The following ATP1A2 variants were observed in gnomAD, a reference collection of about 807,000 sequenced individuals.
The protein encoded by ATP1A2 is ATPase Na+/K+ transporting subunit alpha 2.
A neutral mutation model predicts 113.1 loss-of-function variants in ATP1A2; 56 were observed. That is an observed-to-expected ratio of 0.49 (90% CI 0.40 to 0.62). ATP1A2 has a LOEUF of 0.62. Among genes scored for constraint, ATP1A2 ranks in the 20% least tolerant of loss-of-function variants. The pLI, the probability that ATP1A2 is intolerant of heterozygous loss-of-function variation, is 0.00. For missense variants in ATP1A2, 712 were observed against 1,357.8 expected (o/e 0.52, Z 7.47); for synonymous variants, 490 against 526.8 (o/e 0.93, Z 0.96).
chr1:160,120,770 TC>T lies in ATP1A2; in HGVS notation c.13-130del, dbSNP rs1015901368. ...AGGGCCTAGGGTCCCTCACCCTCCA[TC>T]CCCCCTATCTCCCCCAAGGCAGCCG... On this transcript the variant is annotated intron_variant, in intron 1 of 22. Coordinates refer to ENST00000361216, the MANE Select transcript of ATP1A2 (RefSeq NM_000702.4). The T allele has an allele frequency of 2.3e-5, 19 of 842,794 alleles. No individual in the cohort carries two copies. In the African/African-American group the frequency reaches 2.7e-4, roughly 12 times the overall value. The allele number at this position is 842,794 out of a possible 1,614,324, so 52.2% of individuals were successfully genotyped here.
At chr1:160,136,067 T>C (rs546457823) in intron 17 of ATP1A2, 74 bp downstream of exon 17, 3 of 1,611,740 alleles carry the variant, frequency 1.9e-6, no homozygotes, top group Middle Eastern at 1.6e-4. Context: ...AGAGGTGCAC[T>C]GGGGCAGTGG....
chr1:160,126,818 C>T (rs745771550), intron 7 of ATP1A2, among the ~76,000 whole-genome samples: 1 of 151,950 alleles, frequency 6.6e-6, no homozygotes, highest in Non-Finnish European at 1.5e-5. Context: ...TTTACATTTC[C>T]CACAATTGAT....
chr1:160,138,813 G>A lies in ATP1A2; in HGVS notation c.2841-827G>A, dbSNP rs1366518270. On this transcript the variant is annotated intron_variant, in intron 20 of 22. Coordinates refer to ENST00000361216, the MANE Select transcript of ATP1A2 (RefSeq NM_000702.4). Reference sequence around the variant, plus strand: ...CTGTGATCGTCCAGCCTGGGCAACAGAGTGAGACTCTGTCTCAGAAAAAAA... The same window carrying A: ...CTGTGATCGTCCAGCCTGGGCAACAAAGTGAGACTCTGTCTCAGAAAAAAA... Among the ~76,000 whole-genome samples, 3 of 150,864 alleles carry A rather than the reference G, an allele frequency of 2.0e-5. No homozygotes were observed. In the East Asian group the frequency reaches 5.9e-4, roughly 30 times the overall value.
At chr1:160,116,346 G>A (rs909716275) in intron 1 of ATP1A2, among the ~76,000 whole-genome samples, 3 of 152,124 alleles carry the variant, frequency 2.0e-5, no homozygotes, top group African/African-American at 7.2e-5. Flanking sequence ...AGAGCATCCG[G>A]CTCCCAGAGT....
intron 13 of ATP1A2, 43 bp from the exon 14 acceptor site, chr1:160,134,441 C>A: frequency 5.6e-6 from 9 of 1,613,974 alleles, no homozygotes; most frequent in Non-Finnish European, 7.6e-6. Context: ...GGGGGATAAA[C>A]CCTTAATACT....
At chr1:160,129,487 G>A in intron 11 of ATP1A2, 87 bp downstream of exon 11, 2 of 1,580,888 alleles carry the variant, frequency 1.3e-6, no homozygotes, top group Non-Finnish European at 1.7e-6. Flanking sequence ...TCACTAGCAG[G>A]AGTGGGGGTG....
Position 160,121,218 on chromosome 1 carries a change from G to A in ATP1A2, c.144G>A (p.Glu48=). 1.9e-6 allele frequency: 3 copies of A among 1,614,202 alleles called. No individual in the cohort carries two copies. Among genetic ancestry groups the A allele is most frequent in the African/African-American group, 1.3e-5 (1 of 75,048 alleles). Residue 48 remains glutamate, a synonymous_variant, in exon 3 of 23, where the codon GAG becomes GAA. Coordinates refer to ENST00000361216, the MANE Select transcript of ATP1A2 (RefSeq NM_000702.4). ...ATGACCACAAGCTGTCCTTGGATGA[G>A]CTGGGCCGCAAATACCAAGTGGACC... The part of the protein sequence containing the change: ...AMDDHKLSLD[E]LGRKYQVDLS...
intron 11 of ATP1A2, 91 bp downstream of exon 11, chr1:160,129,491 G>T: frequency 1.9e-6 from 3 of 1,578,068 alleles, no homozygotes; most frequent in Non-Finnish European, 2.6e-6. Context: ...TAGCAGGAGT[G>T]GGGGTGTCTG....
rs764552992 is a variant in ATP1A2 at position 160,121,173 on chromosome 1, C to T, written c.118-19C>T. On this transcript the variant is annotated intron_variant, in intron 2 of 22. Transcript: ENST00000361216. ...CTTAGATACCTCCTCCCCAAAGTAA[C>T]TCACCCTCCCTTCCCCAGGATGACC... is the stretch of plus-strand genomic sequence containing the variant. 7.4e-6 allele frequency: 12 copies of T among 1,614,066 alleles called. No homozygotes were observed. The highest frequency in any genetic ancestry group is 1.0e-5 in the Non-Finnish European group (12 of 1,180,006).
intron 1 of ATP1A2, among the ~76,000 whole-genome samples, chr1:160,117,812 G>A (rs1039226016): frequency 6.6e-6 from 1 of 152,170 alleles, no homozygotes; most frequent in African/African-American, 2.4e-5. Context: ...CTACCACGGA[G>A]AGGCTGAGAT....
intron 22 of ATP1A2, chr1:160,140,846 C>CCTTTTTTTT (rs1652123649): frequency 1.2e-5 from 1 of 86,904 alleles, no homozygotes; most frequent in African/African-American, 5.5e-5. Context: ...CTTTCACCTT[C>CCTTTTTTTT]TTTTTTTTTT....
Position 160,120,906 on chromosome 1 carries a change from G to A in ATP1A2, c.13G>A (p.Ala5Thr). MGRG[A>T]GREYSPAATT... ...CTCTGGCTCTCCCTTCCTCCCTCAGGCTGGCCGTGAGTACTCACCTGCCGC... is the reference window on the plus strand; with the variant it reads ...CTCTGGCTCTCCCTTCCTCCCTCAGACTGGCCGTGAGTACTCACCTGCCGC... The change falls in exon 2 of 23, where the codon GCT becomes ACT. Residue 5 changes from alanine to threonine, a missense_variant and splice_region_variant. Ala to Thr is a moderately conservative substitution (Grantham distance 58). Transcript: ENST00000361216. 1.9e-6 allele frequency: 3 copies of A among 1,585,564 alleles called. No individual in the cohort carries two copies. Among genetic ancestry groups the A allele is most frequent in the Non-Finnish European group, 2.6e-6 (3 of 1,166,442 alleles).
rs1037308688 is a variant in ATP1A2 at position 160,141,719 on chromosome 1, C to T, written c.*397C>T. On this transcript the variant is annotated 3_prime_UTR_variant, in exon 23 of 23. Transcript: ENST00000361216. ...CCAGAAGGAAGCCCTCTCAGATCACCCCAGCCTCACTCCATTTCCCACTTC... is the reference window on the plus strand; with the variant it reads ...CCAGAAGGAAGCCCTCTCAGATCACTCCAGCCTCACTCCATTTCCCACTTC... 6 of 288,562 alleles carry T rather than the reference C, an allele frequency of 2.1e-5. No individual in the cohort carries two copies. Among genetic ancestry groups the T allele is most frequent in the African/African-American group, 1.1e-4 (5 of 46,270 alleles). 17.9% of individuals were successfully genotyped at this position (288,562 alleles called of 1,614,324 possible).
At chr1:160,126,164 T>A (rs937382969) in intron 7 of ATP1A2, among the ~76,000 whole-genome samples, 1 of 152,160 alleles carries the variant, frequency 6.6e-6, no homozygotes, top group African/African-American at 2.4e-5. Context: ...CAGGACCCCC[T>A]TCGTTACCAA....
intron 1 of ATP1A2, 37 bp downstream of exon 1, chr1:160,115,910 G>A (rs759452586): frequency 1.3e-6 from 2 of 1,596,428 alleles, no homozygotes; most frequent in East Asian, 2.3e-5. Context: ...GCAGTCTAGA[G>A]GGTGAGGGAG....
At chr1:160,139,545 T>G in intron 20 of ATP1A2, 95 bp from the exon 21 acceptor site, 1 of 1,042,958 alleles carries the variant, frequency 9.6e-7, no homozygotes, top group Non-Finnish European at 1.5e-6. Flanking sequence ...TCGTTTAGAA[T>G]TCTCTCTCCT....
chr1:160,134,475 T>C lies in ATP1A2; in HGVS notation c.1828-9T>C. 1 of 1,614,212 alleles carries C rather than the reference T, an allele frequency of 6.2e-7. No individual in the cohort carries two copies. The highest frequency in any genetic ancestry group is 8.5e-7 in the Non-Finnish European group (1 of 1,180,032). On this transcript the variant is annotated splice_polypyrimidine_tract_variant and intron_variant, in intron 13 of 22. Transcript: ENST00000361216. The stretch of plus-strand genomic sequence containing the variant: ...CTACTTTCCTGTTGTCTCCTCTCCT[T>C]CCCACTAGGTGATCATGGTAACCGG...
At chr1:160,128,304 C>T (rs754742571) in intron 8 of ATP1A2, 11 of 517,290 alleles carry the variant, frequency 2.1e-5, no homozygotes, top group Non-Finnish European at 3.6e-5. Flanking sequence ...GATTCTCAGG[C>T]CTCAGCTGTC....
At chr1:160,134,408 C>A in intron 13 of ATP1A2, 76 bp from the exon 14 acceptor site, 12 of 1,607,736 alleles carry the variant, frequency 7.5e-6, no homozygotes, top group Non-Finnish European at 9.4e-6. Context: ...CTAGCTTTCT[C>A]TTACTTTGGG....
Sources: allele counts gnomAD v4.1 joint callset (sites outside exome capture counted in the v4.1 genomes callset), GRCh38; gene constraint gnomAD v4.1.1; transcripts MANE v1.5; gene names NCBI Gene and HGNC (gene_info 2026-07-23, HGNC 2026-07-21).